The following SRGAP3 variants were observed in gnomAD, a reference collection of about 807,000 sequenced individuals.
The protein encoded by SRGAP3 is SLIT-ROBO Rho GTPase-activating protein 3.
In SRGAP3, 39 loss-of-function variants were observed where a neutral mutation model predicts 121.1. The ratio of observed to expected loss-of-function variants is 0.32; its 90% CI spans 0.25 to 0.42. The LOEUF is 0.42. Among genes scored for constraint, SRGAP3 ranks in the 10% least tolerant of loss-of-function variants. SRGAP3 has a pLI of 1.00. For missense variants in SRGAP3, 1,213 were observed against 1,470.6 expected (o/e 0.82, Z 2.86); for synonymous variants, 601 against 570.0 (o/e 1.05, Z -0.77).
intron 1 of SRGAP3, 47 bp from the exon 2 acceptor site, chr3:9,124,964 G>T (rs1407339842): frequency 7.5e-6 from 12 of 1,609,516 alleles, no homozygotes; most frequent in Non-Finnish European, 1.0e-5. Flanking sequence ...GTGGGGACGG[G>T]GGCACTGGGG....
Position 9,249,098 on chromosome 3 carries a change from G to A in SRGAP3, c.-147C>T, listed in dbSNP as rs914650419. The stretch of plus-strand genomic sequence containing the variant: ...TCTCTTTCACTTGGCTGCAGAGCAG[G>A]GAGAAAAATCCTTCTCCTTCTGGAA... On this transcript the variant is annotated 5_prime_UTR_variant, in exon 1 of 22. Transcript: ENST00000383836. 1.0e-5 allele frequency: 8 copies of A among 800,752 alleles called. No homozygotes were observed. The highest frequency in any genetic ancestry group is 3.4e-5 in the African/African-American group (2 of 58,070). 49.6% of individuals were successfully genotyped at this position (800,752 alleles called of 1,614,324 possible). A position where few individuals can be genotyped will look rare whatever the true frequency, so the allele number is the denominator to read the frequency against.
chr3:9,073,554 G>A (rs1415512550), intron 4 of SRGAP3, among the ~76,000 whole-genome samples: 1 of 152,172 alleles, frequency 6.6e-6, no homozygotes, highest in African/African-American at 2.4e-5. Context: ...TTTCCCCTCT[G>A]GGCAACCCTG....
chr3:9,128,667 T>G (rs1188510222), intron 1 of SRGAP3, among the ~76,000 whole-genome samples: 1 of 152,246 alleles, frequency 6.6e-6, no homozygotes, highest in East Asian at 1.9e-4. Context: ...AGTATCTTTA[T>G]AGCCAAATAT....
intron 21 of SRGAP3, among the ~76,000 whole-genome samples, chr3:8,986,535 C>T (rs1187886739): frequency 6.6e-6 from 1 of 152,190 alleles, no homozygotes; most frequent in Non-Finnish European, 1.5e-5. Flanking sequence ...AACTGAAGCT[C>T]AGACTGGTTA....
chr3:9,184,445 T>C (rs1249638874), intron 1 of SRGAP3, among the ~76,000 whole-genome samples: 2 of 152,124 alleles, frequency 1.3e-5, no homozygotes. Context: ...CAGGGATAAG[T>C]AGACCTCAAG....
intron 1 of SRGAP3, among the ~76,000 whole-genome samples, chr3:9,177,419 G>A (rs1951217328): frequency 6.6e-6 from 1 of 152,232 alleles, no homozygotes; most frequent in Non-Finnish European, 1.5e-5. Context: ...TGAGTACAAG[G>A]AGCAGCGAGG....
intron 3 of SRGAP3, chr3:9,292,539 C>T (rs1462513190): frequency 2.6e-5 from 4 of 152,086 alleles, no homozygotes; most frequent in African/African-American, 9.7e-5. Flanking sequence ...AAATCCCATG[C>T]TTTGAAATGT....
At chr3:9,041,878 A>G (rs1945027951) in intron 10 of SRGAP3, among the ~76,000 whole-genome samples, 1 of 152,190 alleles carries the variant, frequency 6.6e-6, no homozygotes, top group South Asian at 2.1e-4. Flanking sequence ...ACGTGGGTGA[A>G]TCACTTGAGG....
intron 3 of SRGAP3, among the ~76,000 whole-genome samples, chr3:9,259,339 C>A (rs1190487777): frequency 6.6e-6 from 1 of 152,058 alleles, no homozygotes; most frequent in Non-Finnish European, 1.5e-5. Flanking sequence ...AGTGAAATGA[C>A]ATGATCACAG....
At chr3:9,127,904 TGAAAAGAAAA>T (rs1050469633) in intron 1 of SRGAP3, among the ~76,000 whole-genome samples, 12 of 134,996 alleles carry the variant, frequency 8.9e-5, no homozygotes, top group African/African-American at 1.7e-4. Flanking sequence ...ACTCCTGTAA[TGAAAAGAAAA>T]GAAAAGAAAA....
intron 11 of SRGAP3, 119 bp from the exon 12 acceptor site, chr3:9,032,871 A>AC (rs968434976): frequency 5.8e-6 from 5 of 868,324 alleles, no homozygotes; most frequent in Non-Finnish European, 7.2e-6. Context: ...GAAGCCCCTG[A>AC]CCCCCCGCCA....
At chr3:9,353,176 C>T (rs988037159) in intron 1 of SRGAP3, among the ~76,000 whole-genome samples, 1 of 152,226 alleles carries the variant, frequency 6.6e-6, no homozygotes, top group Non-Finnish European at 1.5e-5. Context: ...TGATGGCTAT[C>T]CATGTTTACC....
intron 3 of SRGAP3, among the ~76,000 whole-genome samples, chr3:9,310,758 C>T (rs1156792463): frequency 1.3e-5 from 2 of 152,182 alleles, no homozygotes; most frequent in East Asian, 3.8e-4. Flanking sequence ...TCAACTCAAA[C>T]CTCACCTGAA....
chr3:9,207,604 T>C (rs1215229571), intron 1 of SRGAP3, among the ~76,000 whole-genome samples: 1 of 152,140 alleles, frequency 6.6e-6, no homozygotes, highest in African/African-American at 2.4e-5. Context: ...AGGATTGAGC[T>C]GAGCAAGAAG....
chr3:9,030,247 C>T (rs1559955092), intron 12 of SRGAP3, among the ~76,000 whole-genome samples: 1 of 152,210 alleles, frequency 6.6e-6, no homozygotes, highest in Non-Finnish European at 1.5e-5. Context: ...TATTATTCCT[C>T]CAACTTTTCC....
intron 13 of SRGAP3, 95 bp from the exon 14 acceptor site, chr3:9,025,433 G>T: frequency 7.7e-7 from 1 of 1,306,156 alleles, no homozygotes; most frequent in Non-Finnish European, 1.1e-6. Context: ...CCCATTGCTT[G>T]TCTCTTTCTC....
rs73811458 is a variant in SRGAP3, at chr3:9,237,822, T to A, written c.67+11063A>T. On this transcript the variant is annotated intron_variant, in intron 1 of 21. Transcript: ENST00000383836. The stretch of plus-strand genomic sequence containing the variant: ...ATTCTAGTCTCATGCAATGAGATGC[T>A]ACTGAAGGGTTTTAAACAGGGAAGT... Among the ~76,000 whole-genome samples, 172 of 152,348 alleles carry A rather than the reference T, an allele frequency of 1.1e-3. 1 individual carries two copies. Among genetic ancestry groups the A allele is most frequent in the African/African-American group, 4.0e-3 (166 of 41,594 alleles).
chr3:9,321,562 C>T (rs1429929959), intron 3 of SRGAP3, among the ~76,000 whole-genome samples: 1 of 151,848 alleles, frequency 6.6e-6, no homozygotes. Context: ...TGGGAAGTGA[C>T]AGCAGTCGGG....
At chr3:9,117,343 G>A (rs918556744) in intron 2 of SRGAP3, among the ~76,000 whole-genome samples, 4 of 152,170 alleles carry the variant, frequency 2.6e-5, no homozygotes, top group Non-Finnish European at 4.4e-5. Flanking sequence ...AAAATCCTGT[G>A]ATGCTTTATC....
Sources: gnomAD v4.1 joint callset for allele counts (sites outside exome capture counted in the v4.1 genomes callset) on GRCh38, gnomAD v4.1.1 for gene constraint, MANE v1.5 for transcripts, NCBI Gene and HGNC (gene_info 2026-07-23, HGNC 2026-07-21) for gene names.